EMCN: variants seen among roughly 807,000 people sequenced by gnomAD.
EMCN encodes endomucin.
A neutral mutation model predicts 38.4 loss-of-function variants in EMCN; 37 were observed. That is an observed-to-expected ratio of 0.96 (90% confidence interval 0.74 to 1.27). EMCN has a LOEUF of 1.27. Ranked by LOEUF, EMCN falls within the 50% of genes most tolerant of loss-of-function variation. EMCN has a pLI of 0.00. For synonymous variants in EMCN, 95 were observed against 100.8 expected (o/e 0.94, Z 0.35); for missense variants, 318 against 302.8 (o/e 1.05, Z -0.37).
At chr4:100,486,566 A>G (rs939342427) in intron 1 of EMCN, among the ~76,000 whole-genome samples, 5 of 152,176 alleles carry the variant, frequency 3.3e-5, no homozygotes, top group Admixed American at 6.5e-5. Flanking sequence ...AGAAAATCTC[A>G]TCTCTCGCAG....
chr4:100,470,387 A>AAAAAC (rs796099595), intron 3 of EMCN, among the ~76,000 whole-genome samples: 2 of 151,486 alleles, frequency 1.3e-5, no homozygotes, highest in African/African-American at 4.8e-5. Flanking sequence ...TTAAAAAAAA[A>AAAAAC]AACAGGTGCC....
At chr4:100,461,436 TACA>T (rs1365880672) in intron 4 of EMCN, among the ~76,000 whole-genome samples, 3 of 152,176 alleles carry the variant, frequency 2.0e-5, no homozygotes, top group Admixed American at 6.6e-5. Context: ...CTGTCTAATA[TACA>T]ACGATTTATC....
At chr4:100,478,137 C>T (rs1432477210) in intron 2 of EMCN, among the ~76,000 whole-genome samples, 10 of 152,222 alleles carry the variant, frequency 6.6e-5, no homozygotes, top group African/African-American at 1.7e-4. Context: ...ATAAGCACCA[C>T]GGACCCCAAT....
chr4:100,463,244 A>G (rs1372646038), intron 4 of EMCN, among the ~76,000 whole-genome samples: 2 of 152,208 alleles, frequency 1.3e-5, no homozygotes, highest in East Asian at 3.9e-4. Context: ...GGGTATTCCT[A>G]TCTCCCAATA....
At chr4:100,439,666 A>C (rs1727456080) in intron 5 of EMCN, among the ~76,000 whole-genome samples, 1 of 150,984 alleles carries the variant, frequency 6.6e-6, no homozygotes, top group Admixed American at 6.6e-5. Context: ...TCTTTCTGCT[A>C]ATTTGGGGTT....
At chr4:100,455,872 G>C (rs964164365) in intron 4 of EMCN, among the ~76,000 whole-genome samples, 4 of 151,884 alleles carry the variant, frequency 2.6e-5, no homozygotes, top group African/African-American at 9.7e-5. Context: ...ATGGCTCACT[G>C]AATTCTCGAT....
At position 100,475,042 on chromosome 4, in the gene EMCN, A is replaced by G. The variant is rs1412511559; in HGVS notation, c.255T>C (p.Asp85=). 2 of 1,506,180 alleles carry G rather than the reference A, an allele frequency of 1.3e-6. No homozygotes were observed. Among genetic ancestry groups the G allele is most frequent in the Non-Finnish European group, 1.8e-6 (2 of 1,104,806 alleles). The allele number at this position is 1,506,180 out of a possible 1,614,324, so 93.3% of individuals were successfully genotyped here. ...GAAAAATGAATCATTACTCACCTTC[A>G]TCTTTACTTGTTAAAAAAGTAGCTG... ...MSTATFLTSK[D]EGLKATTTDV... is the part of the protein sequence containing the mutation. The change falls in exon 3 of 12, where the codon GAT becomes GAC. Residue 85 remains aspartate (D), a synonymous_variant. Coordinates refer to ENST00000296420, the MANE Select transcript of EMCN (RefSeq NM_016242.4).
At chr4:100,407,003 G>T (rs761678882) in intron 11 of EMCN, among the ~76,000 whole-genome samples, 1 of 151,980 alleles carries the variant, frequency 6.6e-6, no homozygotes, top group Non-Finnish European at 1.5e-5. Flanking sequence ...ATCATTTTTG[G>T]TTTAAAGTCT....
At chr4:100,500,675 C>T (rs1004807091) in intron 1 of EMCN, among the ~76,000 whole-genome samples, 71 of 151,736 alleles carry the variant, frequency 4.7e-4, no homozygotes, top group African/African-American at 1.6e-3. Context: ...TTGTGTTTTG[C>T]CCAGTATATT....
chr4:100,465,423 T>C lies in EMCN; in HGVS notation c.376A>G (p.Thr126Ala). Reference protein sequence around the residue: ...VSTLQSSKPKTETQSSIKTTE... With the variant: ...VSTLQSSKPKAETQSSIKTTE... Reference sequence around the variant, plus strand: ...CTTCAGCACAAATCCTCATACTTACTCTTGGGTTTGGAACTTTGTAATGTT... The same window carrying C: ...CTTCAGCACAAATCCTCATACTTACCCTTGGGTTTGGAACTTTGTAATGTT... Residue 126 changes from threonine (T) to alanine (A), a missense_variant and splice_region_variant, in exon 4 of 12, where the codon ACT becomes GCT. Physicochemically the swap from Thr to Ala is moderately conservative, Grantham distance 58. Transcript: ENST00000296420. 1.3e-6 allele frequency: 2 copies of C among 1,572,120 alleles called. No individual in the cohort carries two copies. The highest frequency in any genetic ancestry group is 2.3e-5 in the South Asian group (2 of 87,914).
chr4:100,500,325 T>C (rs1376641878), intron 1 of EMCN, among the ~76,000 whole-genome samples: 2 of 152,162 alleles, frequency 1.3e-5, no homozygotes, highest in Non-Finnish European at 2.9e-5. Flanking sequence ...ATCTGAGTTT[T>C]ATTTATTTCT....
chr4:100,496,474 A>G (rs570054548), intron 1 of EMCN, among the ~76,000 whole-genome samples: 8 of 152,140 alleles, frequency 5.3e-5, no homozygotes, highest in Non-Finnish European at 1.0e-4. Context: ...GAGTTTTTTC[A>G]TATTCTTTAT....
intron 1 of EMCN, among the ~76,000 whole-genome samples, chr4:100,491,278 C>T (rs183250180): frequency 3.9e-5 from 6 of 152,096 alleles, no homozygotes; most frequent in Non-Finnish European, 8.8e-5. Flanking sequence ...TCTACTCTTA[C>T]GCTAGCACTA....
chr4:100,423,439 G>A (rs746695154), intron 5 of EMCN, 35 bp from the exon 6 acceptor site: 1 of 1,439,764 alleles, frequency 6.9e-7, no homozygotes, highest in Non-Finnish European at 9.8e-7. Context: ...ATCAGGCTAT[G>A]GTATTAAGCC....
chr4:100,446,633 C>T (rs1022355638), intron 5 of EMCN, among the ~76,000 whole-genome samples: 2 of 151,984 alleles, frequency 1.3e-5, no homozygotes, highest in South Asian at 2.1e-4. Context: ...TGCAGGTTTG[C>T]TATATAGGTA....
In EMCN at chr4:100,415,990, C is replaced by G. The variant is rs779767239; in HGVS notation, c.690-31G>C. 7 of 1,426,516 alleles carry G rather than the reference C, an allele frequency of 4.9e-6. No homozygotes were observed. In the Admixed American group the frequency reaches 1.4e-4, roughly 29 times the overall value. The allele number at this position is 1,426,516 out of a possible 1,614,324, so 88.4% of individuals were successfully genotyped here. On this transcript the variant is annotated intron_variant, in intron 9 of 11. Transcript: ENST00000296420. ...TGAAAAAAAAAACATGAAATTAACA[C>G]CACAGTAATCAGCATTGTATGTTTG...
chr4:100,403,084 A>G (rs1027525076), intron 11 of EMCN, among the ~76,000 whole-genome samples: 24 of 151,950 alleles, frequency 1.6e-4, no homozygotes, highest in African/African-American at 4.8e-4. Flanking sequence ...TTTCCTTTAA[A>G]ACTTTTATTT....
intron 2 of EMCN, among the ~76,000 whole-genome samples, chr4:100,476,039 G>A (rs1728639145): frequency 6.6e-6 from 1 of 151,998 alleles, no homozygotes; most frequent in Admixed American, 6.6e-5. Flanking sequence ...TTTAGTCAAT[G>A]TTGTTTCAAC....
chr4:100,473,295 G>A (rs938412721), intron 3 of EMCN, among the ~76,000 whole-genome samples: 17 of 147,998 alleles, frequency 1.1e-4, no homozygotes, highest in Non-Finnish European at 1.8e-4. Flanking sequence ...CCAAAGTGTT[G>A]GGATTACAGG....
Sources: allele counts gnomAD v4.1 joint callset (sites outside exome capture counted in the v4.1 genomes callset), GRCh38; gene constraint gnomAD v4.1.1; transcripts MANE v1.5; gene names NCBI Gene and HGNC (gene_info 2026-07-23, HGNC 2026-07-21).